Variants in SVOP observed in about 807,000 individuals in gnomAD.
The protein encoded by SVOP is SV2 related protein.
In SVOP, 17 loss-of-function variants were observed where a neutral mutation model predicts 69.1. That is an observed-to-expected ratio of 0.25 (90% CI 0.17 to 0.37). SVOP has a LOEUF of 0.37. Among genes scored for constraint, SVOP ranks in the 10% least tolerant of loss-of-function variants. The pLI is 1.00. For synonymous variants in SVOP, 238 were observed against 238.6 expected, an observed-to-expected ratio of 1.00 and a Z score of 0.02; for missense variants, 435 against 597.5, an observed-to-expected ratio of 0.73 and a Z score of 2.84.
At chr12:108,996,436 T>C (rs373914808) in intron 1 of SVOP, among the ~76,000 whole-genome samples, 12 of 152,220 alleles carry the variant, frequency 7.9e-5, no homozygotes, top group Admixed American at 3.3e-4. Context: ...CTCATGCATG[T>C]AATCCCAGCT....
In SVOP at chr12:108,909,256, G is replaced by GCC. The variant is rs1236720339; in HGVS notation, c.*3278_*3279insGG. ...CTGAGATTACTGTTCTTAGGTTGGT[G>GCC]CAAAAGTAATTGCATTTGGGAGGCC... On this transcript the variant is annotated 3_prime_UTR_variant, in exon 16 of 16. Transcript: ENST00000610966. 1 of 152,184 alleles carries GCC rather than the reference G, an allele frequency of 6.6e-6. No homozygotes were observed. The highest frequency in any genetic ancestry group is 1.5e-5 in the Non-Finnish European group (1 of 68,076). 9.4% of individuals were successfully genotyped at this position (152,184 alleles called of 1,614,324 possible). A position where few individuals can be genotyped will look rare whatever the true frequency, so the allele number is the denominator to read the frequency against.
At chr12:108,928,996 C>A (rs34397698) in intron 11 of SVOP, among the ~76,000 whole-genome samples, 1,783 of 152,328 alleles carry the variant, frequency 0.012, 32 homozygotes, top group South Asian at 0.053. Context: ...ACAGGCCTTG[C>A]TGACTTTCCC....
At chr12:108,923,375 T>C (rs1312077681) in intron 11 of SVOP, among the ~76,000 whole-genome samples, 1 of 152,148 alleles carries the variant, frequency 6.6e-6, no homozygotes, top group Non-Finnish European at 1.5e-5. Flanking sequence ...GAGGGGAGCC[T>C]CTAGTTGCTG....
chr12:108,973,907 A>C lies in SVOP; in HGVS notation c.382-1431T>G, dbSNP rs145638588. On this transcript the variant is annotated intron_variant, in intron 4 of 15. Coordinates refer to ENST00000610966, the MANE Select transcript of SVOP (RefSeq NM_018711.5). ...GAAGGGGCACTGATGATGCACTTAC[A>C]GATGACTTTTGCAAGTCATCTGGTT... is the stretch of plus-strand genomic sequence containing the variant. Among the ~76,000 whole-genome samples, 1,187 of 152,354 alleles carry C rather than the reference A, an allele frequency of 7.8e-3. 17 individuals carry two copies. Among genetic ancestry groups the C allele is most frequent in the African/African-American group, 0.027 (1,110 of 41,576 alleles).
At chr12:108,924,256 A>C (rs1456656574) in intron 11 of SVOP, among the ~76,000 whole-genome samples, 2 of 152,162 alleles carry the variant, frequency 1.3e-5, no homozygotes, top group African/African-American at 2.4e-5. Context: ...ACCGACAGAA[A>C]TAAATTTCTG....
chr12:108,991,337 C>T (rs188566815), intron 1 of SVOP, among the ~76,000 whole-genome samples: 112 of 152,198 alleles, frequency 7.4e-4, no homozygotes, highest in Admixed American at 1.8e-3. Flanking sequence ...TGGTGGCTCA[C>T]GCCTCTAATC....
rs866776251 is a variant in SVOP, at chr12:109,019,360, C to A, written c.35+1474G>T. ...ATATTAGTAGATTAAATATACATGA[C>A]CCTTTTGCAAAGTTCATATACACAT... On this transcript the variant is annotated intron_variant, in intron 1 of 15. Transcript: ENST00000610966. Among the ~76,000 whole-genome samples, 27 of 152,098 alleles carry A rather than the reference C, an allele frequency of 1.8e-4. No individual in the cohort carries two copies. In the Middle Eastern group the frequency reaches 0.01, roughly 57 times the overall value.
chr12:108,938,750 C>T, intron 9 of SVOP, 77 bp downstream of exon 9: 2 of 1,600,462 alleles, frequency 1.2e-6, no homozygotes, highest in Non-Finnish European at 1.7e-6. Flanking sequence ...CGCATGCATG[C>T]CCTACTCCAT....
chr12:108,973,391 ATTTG>A (rs922824541), intron 4 of SVOP, among the ~76,000 whole-genome samples: 3 of 151,656 alleles, frequency 2.0e-5, no homozygotes, highest in Admixed American at 6.6e-5. Context: ...TAATTTATTT[ATTTG>A]TTTGTTTGTT....
intron 14 of SVOP, among the ~76,000 whole-genome samples, chr12:108,916,982 A>G (rs1372933396): frequency 6.6e-6 from 1 of 152,184 alleles, no homozygotes. Flanking sequence ...CCTGAGCTCA[A>G]GCGATCCACC....
rs1241517734 is a variant in SVOP, at chr12:108,997,896, C to T, written c.36-14135G>A. Among the ~76,000 whole-genome samples, 4 of 150,008 alleles carry T rather than the reference C, an allele frequency of 2.7e-5. 1 individual carries two copies. In the South Asian group the frequency reaches 8.7e-4, roughly 33 times the overall value. On this transcript the variant is annotated intron_variant, in intron 1 of 15. Transcript: ENST00000610966. Reference sequence around the variant, plus strand: ...CAGAAAAACTGGAAACTCTAAAACGCAGAGCGCCTCTCCTCCTCCAAAGGA... The same window carrying T: ...CAGAAAAACTGGAAACTCTAAAACGTAGAGCGCCTCTCCTCCTCCAAAGGA...
At chr12:108,913,839 T>C (rs1158220964) in intron 15 of SVOP, among the ~76,000 whole-genome samples, 1 of 152,102 alleles carries the variant, frequency 6.6e-6, no homozygotes, top group Non-Finnish European at 1.5e-5. Context: ...TTAAGAGAGA[T>C]GGAGTCTCAC....
At position 108,912,487 on chromosome 12, in the gene SVOP, C is replaced by T. The variant is rs1482978428; in HGVS notation, c.*48G>A. The T allele has an allele frequency of 5.6e-6, 9 of 1,608,046 alleles. No homozygotes were observed. The East Asian group carries it at 2.0e-4, about 36-fold the overall frequency. On this transcript the variant is annotated 3_prime_UTR_variant, in exon 16 of 16. Transcript: ENST00000610966. ...AGTGCCCCAGTTGGGGCCTGCCAGCCCCCCAAGCTCTGCAGCCTCAAAGAC... is the reference window on the plus strand; with the variant it reads ...AGTGCCCCAGTTGGGGCCTGCCAGCTCCCCAAGCTCTGCAGCCTCAAAGAC...
chr12:108,917,384 T>C (rs879097959), intron 14 of SVOP, among the ~76,000 whole-genome samples: 1 of 152,204 alleles, frequency 6.6e-6, no homozygotes, highest in Admixed American at 6.5e-5. Context: ...TATAGAAATA[T>C]ATCCTCCTTG....
intron 1 of SVOP, among the ~76,000 whole-genome samples, chr12:109,001,748 C>T (rs1593206055): frequency 6.6e-6 from 1 of 150,412 alleles, no homozygotes; most frequent in Admixed American, 6.7e-5. Flanking sequence ...GGAAAACTGG[C>T]TAGCCATATG....
intron 5 of SVOP, among the ~76,000 whole-genome samples, chr12:108,967,272 G>A (rs1265476750): frequency 6.6e-6 from 1 of 151,956 alleles, no homozygotes; most frequent in Non-Finnish European, 1.5e-5. Context: ...AGGCCGATGT[G>A]GGCAGATCAC....
At position 109,014,936 on chromosome 12, in the gene SVOP, C is replaced by CTGGT. The variant is rs1486206902; in HGVS notation, c.35+5894_35+5897dup. On this transcript the variant is annotated intron_variant, in intron 1 of 15. Transcript: ENST00000610966. ...ACGGGGTCTTGCTTTGTTGCCCAGG[C>CTGGT]TGGTCTCACAGCTCTTGGCTTCTAG... Among the ~76,000 whole-genome samples, 4 of 152,298 alleles carry CTGGT rather than the reference C, an allele frequency of 2.6e-5. No homozygotes were observed. In the East Asian group the frequency reaches 7.7e-4, roughly 29 times the overall value.
intron 5 of SVOP, among the ~76,000 whole-genome samples, chr12:108,970,137 G>C (rs961970228): frequency 6.6e-5 from 10 of 152,174 alleles, no homozygotes; most frequent in African/African-American, 1.7e-4. Flanking sequence ...CAGTGAGAGG[G>C]GATGCAGCTG....
intron 11 of SVOP, among the ~76,000 whole-genome samples, chr12:108,931,201 A>C (rs142930148): frequency 6.6e-6 from 1 of 152,262 alleles, no homozygotes; most frequent in East Asian, 1.9e-4. Context: ...CCACTACCTC[A>C]CTCAATCCTT....
Sources: allele counts gnomAD v4.1 joint callset (sites outside exome capture counted in the v4.1 genomes callset), GRCh38; gene constraint gnomAD v4.1.1; transcripts MANE v1.5; gene names NCBI Gene and HGNC (gene_info 2026-07-23, HGNC 2026-07-21).